GALNTL6: variants seen among roughly 807,000 people sequenced by gnomAD.
GALNTL6 encodes the protein polypeptide N-acetylgalactosaminyltransferase-like 6.
In GALNTL6, 46 loss-of-function variants were observed where a neutral mutation model predicts 73.7. The ratio of observed to expected loss-of-function variants is 0.62; its 90% confidence interval spans 0.49 to 0.80. The LOEUF (loss-of-function observed/expected upper bound fraction) is 0.80, where lower values mean the gene tolerates loss of function less well. Among genes scored for constraint, GALNTL6 ranks in the 30% least tolerant of loss-of-function variants. The pLI, the probability that GALNTL6 is intolerant of heterozygous loss-of-function variation, is 0.00. For synonymous variants in GALNTL6, 259 were observed against 263.7 expected (o/e 0.98, Z 0.17); for missense variants, 604 against 755.0 (o/e 0.80, Z 2.34).
chr4:173,022,725 G>A (rs1025724131), intron 12 of GALNTL6, among the ~76,000 whole-genome samples: 1 of 152,088 alleles, frequency 6.6e-6, no homozygotes, highest in Non-Finnish European at 1.5e-5. Flanking sequence ...GAATTTAAAA[G>A]TTTCAAAAAT....
intron 2 of GALNTL6, among the ~76,000 whole-genome samples, chr4:172,214,239 A>T (rs1332872856): frequency 6.6e-6 from 1 of 152,102 alleles, no homozygotes; most frequent in Non-Finnish European, 1.5e-5. Context: ...GAGTCCTCTG[A>T]CTGTCCCTTT....
intron 5 of GALNTL6, among the ~76,000 whole-genome samples, chr4:172,480,167 T>C (rs1473081752): frequency 6.6e-6 from 1 of 152,090 alleles, no homozygotes; most frequent in Non-Finnish European, 1.5e-5. Context: ...ATTAGTCAGA[T>C]GTGGTGGCAC....
intron 2 of GALNTL6, among the ~76,000 whole-genome samples, chr4:171,917,124 G>C (rs1309990040): frequency 6.6e-6 from 1 of 151,988 alleles, no homozygotes; most frequent in East Asian, 1.9e-4. Flanking sequence ...GTCACTCTTA[G>C]AACCATAGAA....
chr4:171,874,347 G>C (rs1159136395), intron 2 of GALNTL6, among the ~76,000 whole-genome samples: 1 of 151,980 alleles, frequency 6.6e-6, no homozygotes, highest in Non-Finnish European at 1.5e-5. Context: ...GCCCCACCAT[G>C]CCAGGCTAAT....
chr4:173,030,481 C>T (rs1235389430), intron 12 of GALNTL6, among the ~76,000 whole-genome samples: 1 of 152,102 alleles, frequency 6.6e-6, no homozygotes, highest in African/African-American at 2.4e-5. Context: ...GGGGCTCTTC[C>T]GTAAAGAGAA....
rs554273666 is a variant in GALNTL6 at position 171,950,306 on chromosome 4, G to A, written c.138+135588G>A. Among the ~76,000 whole-genome samples the A allele has an allele frequency of 1.6e-4, 24 of 152,232 alleles. No individual in the cohort carries two copies. In the South Asian group the frequency reaches 5.0e-3, roughly 32 times the overall value. ...TAAGGAATGTACTTAGGGTAATAGG[G>A]AAGGGAAGGTCTGAATCATAACAAG... On this transcript the variant is annotated intron_variant, in intron 2 of 12. Coordinates refer to ENST00000506823, the MANE Select transcript of GALNTL6 (RefSeq NM_001034845.3).
chr4:172,608,150 C>T (rs1362123661), intron 5 of GALNTL6, among the ~76,000 whole-genome samples: 2 of 152,064 alleles, frequency 1.3e-5, no homozygotes, highest in East Asian at 1.9e-4. Context: ...TCCCATTTCT[C>T]GATTTTCATT....
chr4:172,776,407 T>C (rs1395698779), intron 5 of GALNTL6, among the ~76,000 whole-genome samples: 2 of 152,178 alleles, frequency 1.3e-5, no homozygotes, highest in East Asian at 3.8e-4. Flanking sequence ...TTCTAATATT[T>C]GTAGCTTAAA....
chr4:171,840,870 G>A (rs951741933), intron 2 of GALNTL6, among the ~76,000 whole-genome samples: 2 of 151,940 alleles, frequency 1.3e-5, no homozygotes, highest in Non-Finnish European at 2.9e-5. Flanking sequence ...CTCCCCCATT[G>A]GAAAATTGGA....
chr4:171,914,054 G>T (rs1578966767), intron 2 of GALNTL6, among the ~76,000 whole-genome samples: 1 of 152,020 alleles, frequency 6.6e-6, no homozygotes, highest in Admixed American at 6.6e-5. Context: ...TGTTATAAAG[G>T]CTATAAAATG....
chr4:172,405,310 T>A (rs1048199807), intron 5 of GALNTL6, among the ~76,000 whole-genome samples: 4 of 147,866 alleles, frequency 2.7e-5, no homozygotes, highest in Admixed American at 6.8e-5. Flanking sequence ...ACATATATAC[T>A]TAATACTTAT....
At chr4:171,883,703 A>G (rs1578938978) in intron 2 of GALNTL6, among the ~76,000 whole-genome samples, 3 of 151,110 alleles carry the variant, frequency 2.0e-5, no homozygotes, top group Non-Finnish European at 4.4e-5. Flanking sequence ...GCTGGACTGC[A>G]GTGGCGCTAT....
At chr4:171,990,353 G>A (rs1740299095) in intron 2 of GALNTL6, among the ~76,000 whole-genome samples, 1 of 151,510 alleles carries the variant, frequency 6.6e-6, no homozygotes, top group Non-Finnish European at 1.5e-5. Context: ...TTTTACAGTT[G>A]AAGAAATTAA....
chr4:172,720,412 T>G (rs1239965186), intron 5 of GALNTL6, among the ~76,000 whole-genome samples: 1 of 152,184 alleles, frequency 6.6e-6, no homozygotes. Context: ...TCCTCACTGC[T>G]GCAAACATCC....
intron 10 of GALNTL6, among the ~76,000 whole-genome samples, chr4:172,967,672 A>G (rs1333846456): frequency 2.0e-5 from 3 of 152,132 alleles, no homozygotes; most frequent in Admixed American, 6.5e-5. Context: ...CATTGACATA[A>G]CTTCATTATA....
intron 2 of GALNTL6, among the ~76,000 whole-genome samples, chr4:171,974,861 ATATGT>A (rs775093677): frequency 2.0e-5 from 3 of 152,200 alleles, no homozygotes; most frequent in Non-Finnish European, 2.9e-5. Context: ...CAATTCTATG[ATATGT>A]TATGGTTGTA....
intron 5 of GALNTL6, among the ~76,000 whole-genome samples, chr4:172,635,342 A>G (rs1739621202): frequency 6.6e-6 from 1 of 152,222 alleles, no homozygotes; most frequent in Admixed American, 6.5e-5. Context: ...GAACTGTCTC[A>G]GGTTAAATTT....
At chr4:172,948,999 ATTAG>A (rs1464551511) in intron 9 of GALNTL6, among the ~76,000 whole-genome samples, 2 of 152,198 alleles carry the variant, frequency 1.3e-5, no homozygotes, top group South Asian at 2.1e-4. Context: ...CTGCACCGGA[ATTAG>A]TTAGTTCCTC....
intron 5 of GALNTL6, among the ~76,000 whole-genome samples, chr4:172,433,270 AT>A (rs1731522162): frequency 6.6e-6 from 1 of 152,004 alleles, no homozygotes; most frequent in South Asian, 2.1e-4. Context: ...AAGCATGAGC[AT>A]TTTTTTAATG....
Sources: allele counts gnomAD v4.1 joint callset (sites outside exome capture counted in the v4.1 genomes callset), GRCh38; gene constraint gnomAD v4.1.1; transcripts MANE v1.5; gene names NCBI Gene and HGNC (gene_info 2026-07-23, HGNC 2026-07-21).